The following PUDP variants were observed in gnomAD, a reference collection of about 807,000 sequenced individuals.
The protein encoded by PUDP is pseudouridine 5'-phosphatase, also known as pseudouridine-5'-phosphatase.
PUDP carries 8 observed loss-of-function variants against 9.4 expected under a neutral mutation model. That is an observed-to-expected ratio of 0.85 (90% CI 0.50 to 1.53). PUDP has a LOEUF of 1.53. PUDP is among the 40% of genes most tolerant of loss of function. The pLI is 0.00. For missense variants in PUDP, 188 were observed against 189.7 expected, an observed-to-expected ratio of 0.99 and a Z score of 0.05; for synonymous variants, 99 against 80.7, an observed-to-expected ratio of 1.23 and a Z score of -1.22.
chrX:6,932,022 C>T (rs1379569003), intron 3 of PUDP, among the ~76,000 whole-genome samples: 3 of 112,133 alleles, frequency 2.7e-5, no homozygotes, highest in Non-Finnish European at 5.6e-5. Context: ...CAGGAAATAT[C>T]TTATGCAAGT....
chrX:7,119,161 G>C (rs930413041), intron 1 of PUDP, among the ~76,000 whole-genome samples: 10 of 112,402 alleles, frequency 8.9e-5, no homozygotes, highest in African/African-American at 3.2e-4. Context: ...AATGTTACAA[G>C]CCAAGCACAA....
intron 3 of PUDP, among the ~76,000 whole-genome samples, chrX:6,761,783 G>A (rs1427556902): frequency 8.9e-6 from 1 of 112,010 alleles, no homozygotes; most frequent in Admixed American, 9.5e-5. Flanking sequence ...TGCAGCAGAA[G>A]AGGAACGATT....
At chrX:6,944,366 G>A (rs770782300) in intron 3 of PUDP, among the ~76,000 whole-genome samples, 1 of 111,416 alleles carries the variant, frequency 9.0e-6, no homozygotes, top group Non-Finnish European at 1.9e-5. Flanking sequence ...GCCCAGTCTC[G>A]GGCAGTATCT....
At position 7,039,992 on chromosome X, in the gene PUDP, C is replaced by A. The variant is rs377006755; in HGVS notation, c.204+37228G>T. On this transcript the variant is annotated intron_variant and NMD_transcript_variant, in intron 1 of 3. Coordinates refer to the PUDP transcript ENST00000655425. ...GAGGAGGAATACTAACCATTCCAAT[C>A]CTAAAACAGAATTTTGGGTTTCTTT... Among the ~76,000 whole-genome samples the A allele has an allele frequency of 5.3e-5, 6 of 112,245 alleles. No homozygotes were observed. The East Asian group carries it at 8.4e-4, about 16-fold the overall frequency.
At chrX:6,912,809 AC>A (rs1265964130) in intron 3 of PUDP, among the ~76,000 whole-genome samples, 2 of 112,389 alleles carry the variant, frequency 1.8e-5, no homozygotes, top group Non-Finnish European at 3.8e-5. Flanking sequence ...CCAAAAGAAA[AC>A]AAACCTAACA....
chrX:6,779,322 G>T (rs1043329517), intron 3 of PUDP, among the ~76,000 whole-genome samples: 5 of 111,910 alleles, frequency 4.5e-5, no homozygotes. Flanking sequence ...TGTGCCGAGG[G>T]TATGAAAGCA....
At chrX:6,994,161 T>A (rs1054393819) in intron 1 of PUDP, among the ~76,000 whole-genome samples, 1 of 111,921 alleles carries the variant, frequency 8.9e-6, no homozygotes, top group African/African-American at 3.2e-5. Flanking sequence ...GTCAATAAAC[T>A]CAGCGCTTTG....
At chrX:6,779,767 C>CA (rs1355618485) in intron 3 of PUDP, among the ~76,000 whole-genome samples, 4 of 109,754 alleles carry the variant, frequency 3.6e-5, no homozygotes, top group African/African-American at 6.6e-5. Context: ...CAGCCTTTAC[C>CA]AAAAAAAATA....
intron 3 of PUDP, among the ~76,000 whole-genome samples, chrX:6,955,943 T>A (rs753558481): frequency 1.8e-5 from 2 of 112,615 alleles, no homozygotes; most frequent in South Asian, 7.4e-4. Context: ...TTTTGTGCAT[T>A]GTGTTACTCA....
intron 1 of PUDP, among the ~76,000 whole-genome samples, chrX:7,108,715 T>C (rs1931955031): frequency 8.9e-6 from 1 of 112,500 alleles, no homozygotes; most frequent in Non-Finnish European, 1.9e-5. Context: ...CTGTATTTTT[T>C]TCATTTATTT....
chrX:6,742,135 C>A (rs1924948247), intron 3 of PUDP, among the ~76,000 whole-genome samples: 1 of 111,648 alleles, frequency 9.0e-6, no homozygotes, highest in Admixed American at 9.5e-5. Flanking sequence ...ATGTGAGCCA[C>A]CAGGCCCGGC....
At position 6,993,221 on chromosome X, in the gene PUDP, T is replaced by C. The variant is rs1929209695; in HGVS notation, c.205-14878A>G. Among the ~76,000 whole-genome samples, 3 of 111,566 alleles carry C rather than the reference T, an allele frequency of 2.7e-5. No individual in the cohort carries two copies. In the Admixed American group the frequency reaches 2.9e-4, roughly 11 times the overall value. ...ATATACCTCTATCCTATTAGTCCTG[T>C]CCCTCTACAGAACCCTGAGTAATAC... On this transcript the variant is annotated intron_variant and NMD_transcript_variant, in intron 1 of 3. Transcript: ENST00000655425.
intron 2 of PUDP, among the ~76,000 whole-genome samples, chrX:6,977,335 G>A (rs1185771665): frequency 1.8e-5 from 2 of 111,578 alleles, no homozygotes; most frequent in African/African-American, 3.3e-5. Flanking sequence ...GGAGTTTTAA[G>A]CAAAACTTTG....
chrX:6,772,804 C>A (rs773679568), intron 3 of PUDP, among the ~76,000 whole-genome samples: 44 of 109,667 alleles, frequency 4.0e-4, no homozygotes, highest in Middle Eastern at 4.6e-3. Context: ...ACAACAACAA[C>A]AAAAAACCCA....
At chrX:6,770,741 T>C (rs1321993765) in intron 3 of PUDP, among the ~76,000 whole-genome samples, 1 of 111,904 alleles carries the variant, frequency 8.9e-6, no homozygotes, top group Non-Finnish European at 1.9e-5. Flanking sequence ...CCCATCTGCA[T>C]TAAGAATAGA....
intron 3 of PUDP, among the ~76,000 whole-genome samples, chrX:6,959,779 T>A (rs1054108096): frequency 1.3e-4 from 15 of 112,689 alleles, no homozygotes; most frequent in African/African-American, 4.5e-4. Context: ...CCCTAGGGCC[T>A]TCAAGGCCCA....
intron 2 of PUDP, among the ~76,000 whole-genome samples, chrX:7,083,051 C>T (rs1446358653): frequency 8.9e-6 from 1 of 112,650 alleles, no homozygotes; most frequent in Non-Finnish European, 1.9e-5. Context: ...CCTAGAGCCC[C>T]CAGGAGCTGG....
intron 1 of PUDP, among the ~76,000 whole-genome samples, chrX:7,141,954 T>C (rs750391786): frequency 8.9e-6 from 1 of 112,475 alleles, no homozygotes; most frequent in African/African-American, 3.2e-5. Context: ...AAGCCCACTA[T>C]TAAGAATTAC....
At chrX:7,128,123 C>A (rs1025974862) in intron 1 of PUDP, among the ~76,000 whole-genome samples, 2 of 111,217 alleles carry the variant, frequency 1.8e-5, no homozygotes, top group African/African-American at 6.6e-5. Context: ...CTCACTGCAA[C>A]CTCTGCCTTC....
Sources: gnomAD v4.1 joint callset for allele counts (sites outside exome capture counted in the v4.1 genomes callset) on GRCh38, gnomAD v4.1.1 for gene constraint, MANE v1.5 for transcripts, NCBI Gene and HGNC (gene_info 2026-07-23, HGNC 2026-07-21) for gene names.